The following CLPTM1 variants were observed in gnomAD, a reference collection of about 807,000 sequenced individuals.
CLPTM1 encodes putative lipid scramblase CLPTM1.
In CLPTM1, 21 loss-of-function variants were observed where a neutral mutation model predicts 77.3. The ratio of observed to expected loss-of-function variants is 0.27; its 90% CI spans 0.19 to 0.39. The LOEUF is 0.39. Among genes scored for constraint, CLPTM1 ranks in the 10% least tolerant of loss-of-function variants. The pLI is 1.00. For synonymous variants in CLPTM1, 373 were observed against 381.0 expected (o/e 0.98, Z 0.24); for missense variants, 642 against 921.2 (o/e 0.70, Z 3.92).
Position 44,992,008 on chromosome 19 carries a change from C to G in CLPTM1, c.1556-225C>G, listed in dbSNP as rs905588153. Among the ~76,000 whole-genome samples, 2 of 152,072 alleles carry G rather than the reference C, an allele frequency of 1.3e-5. No homozygotes were observed. Among genetic ancestry groups the G allele is most frequent in the African/African-American group, 4.8e-5 (2 of 41,394 alleles). ...AGGGGTCCGGGGGCCCCTCTGAGGA[C>G]AGGACATTTAAACAGAGGCCTCAGA... On this transcript the variant is annotated intron_variant, in intron 12 of 13. Transcript: ENST00000337392. The surrounding 1 kb of genome is among the most constrained non-coding windows in gnomAD (Gnocchi z 7.7).
intron 4 of CLPTM1, among the ~76,000 whole-genome samples, chr19:44,977,018 GAGCTGTGTGCCAGTGCTCC>G (rs1172575833): frequency 6.6e-6 from 1 of 152,148 alleles, no homozygotes; most frequent in Non-Finnish European, 1.5e-5. Context: ...CTCGTTGACT[GAGCTGTGTGCCAGTGCTCC>G]AGGTAGTCCC....
At chr19:44,973,809 G>T (rs1014124732) in intron 3 of CLPTM1, among the ~76,000 whole-genome samples, 1 of 140,018 alleles carries the variant, frequency 7.1e-6, no homozygotes, top group African/African-American at 2.8e-5. Context: ...TGTCGCCCAG[G>T]CTAGAGTGCA....
rs142742873 is a variant in CLPTM1, at chr19:44,982,615, C to T, written c.587-2603C>T. ...CTGTGCCTCCCCCTCCACCAGCCAG[C>T]GCTGCCCTCTGGGGCTCTCCCTTCC... On this transcript the variant is annotated intron_variant, in intron 5 of 13. Coordinates refer to ENST00000337392, the MANE Select transcript of CLPTM1 (RefSeq NM_001294.4). Among the ~76,000 whole-genome samples the T allele has an allele frequency of 1.5e-4, 23 of 152,366 alleles. No individual in the cohort carries two copies. In the East Asian group the frequency reaches 3.9e-3, roughly 26 times the overall value.
intron 5 of CLPTM1, among the ~76,000 whole-genome samples, chr19:44,978,796 T>C (rs1970845996): frequency 6.7e-6 from 1 of 150,040 alleles, no homozygotes; most frequent in African/African-American, 2.5e-5. Context: ...TACTGGCACA[T>C]TGGGGATTAA....
At chr19:44,977,067 C>T (rs1970815964) in intron 4 of CLPTM1, among the ~76,000 whole-genome samples, 1 of 152,062 alleles carries the variant, frequency 6.6e-6, no homozygotes, top group Non-Finnish European at 1.5e-5. Context: ...GCCCTCGGGT[C>T]AGTGCTGTGG....
chr19:44,992,692 G>T lies in CLPTM1; in HGVS notation c.1805G>T (p.Gly602Val). 3 of 1,613,808 alleles carry T rather than the reference G, an allele frequency of 1.9e-6. No individual in the cohort carries two copies. The highest frequency in any genetic ancestry group is 1.1e-5 in the South Asian group (1 of 91,080). ...CGAGTCAACGAGTTTGGCATGAGTGGAGAAGACCCCACAGCTGCCGCCCCC... is the reference window on the plus strand; with the variant it reads ...CGAGTCAACGAGTTTGGCATGAGTGTAGAAGACCCCACAGCTGCCGCCCCC... ...PTRVNEFGMSGEDPTAAAPVA... is the reference protein window; with the variant it reads ...PTRVNEFGMSVEDPTAAAPVA... Residue 602 changes from glycine (G) to valine (V), a missense_variant, in exon 14 of 14, where the codon GGA (glycine) becomes GTA (valine). Transcript: ENST00000337392. This position sits in a 1 kb window ranked among gnomAD's most constrained non-coding sequence, Gnocchi z 7.7.
At chr19:44,959,671 C>T (rs928681065) in intron 1 of CLPTM1, among the ~76,000 whole-genome samples, 1 of 152,192 alleles carries the variant, frequency 6.6e-6, no homozygotes, top group Non-Finnish European at 1.5e-5. Context: ...ATGTTTTCTG[C>T]CTCCTGGGTA....
chr19:44,965,792 C>T (rs1600015308), intron 2 of CLPTM1, among the ~76,000 whole-genome samples: 5 of 152,160 alleles, frequency 3.3e-5, no homozygotes, highest in Admixed American at 2.0e-4. Flanking sequence ...CCAGCCTAGG[C>T]GACAGCGAGA....
At chr19:44,988,265 T>C (rs569409002) in intron 9 of CLPTM1, 92 bp downstream of exon 9, 6 of 923,686 alleles carry the variant, frequency 6.5e-6, no homozygotes, top group Admixed American at 1.8e-5. Context: ...CCACATGTCC[T>C]CCCCCTGCCT....
At position 44,990,477 on chromosome 19, in the gene CLPTM1, G is replaced by C; in HGVS notation, c.1215G>C (p.Val405=). ...TCTTCGGCGTTTTCCAGTCATTCGT[G>C]GTCCTCCTCTACATCCTGGACAACG... is the stretch of plus-strand genomic sequence containing the variant. ...SVFFGVFQSF[V]VLLYILDNET... Residue 405 remains valine, a synonymous_variant, in exon 10 of 14, where the codon GTG becomes GTC. Coordinates refer to ENST00000337392, the MANE Select transcript of CLPTM1 (RefSeq NM_001294.4). The surrounding 1 kb of genome is among the most constrained non-coding windows in gnomAD (Gnocchi z 4.8). 1 of 1,614,102 alleles carries C rather than the reference G, an allele frequency of 6.2e-7. No homozygotes were observed. The highest frequency in any genetic ancestry group is 1.1e-5 in the South Asian group (1 of 91,090).
intron 8 of CLPTM1, 30 bp downstream of exon 8, chr19:44,987,453 C>G (rs866202546): frequency 1.2e-6 from 2 of 1,608,130 alleles, no homozygotes; most frequent in Middle Eastern, 1.7e-4. Flanking sequence ...GCGGGACTTC[C>G]CGGTGCCTTC....
chr19:44,990,884 C>T lies in CLPTM1; in HGVS notation c.1358C>T (p.Pro453Leu), dbSNP rs868090322. ...DREHRVAGIF[P>L]RLSFKDKSTY... The stretch of plus-strand genomic sequence containing the variant: ...GAGCACAGGGTGGCAGGAATCTTCC[C>T]CCGCCTATCCTTCAAGGACAAGTCC... Residue 453 changes from proline to leucine, a missense_variant, in exon 11 of 14, where the codon CCC (proline) becomes CTC (leucine). Pro to Leu is a moderately conservative substitution (Grantham distance 98, BLOSUM62 -3). This residue lies in a region of CLPTM1 where 521 missense variants were observed against 800.4 expected (regional missense o/e 0.65). Transcript: ENST00000337392. This position sits in a 1 kb window ranked among gnomAD's most constrained non-coding sequence, Gnocchi z 4.8. 1.2e-6 allele frequency: 2 copies of T among 1,613,960 alleles called. No homozygotes were observed. The highest frequency in any genetic ancestry group is 1.7e-6 in the Non-Finnish European group (2 of 1,179,926).
At position 44,988,151 on chromosome 19, in the gene CLPTM1, C is replaced by T. The variant is rs954909738; in HGVS notation, c.1110C>T (p.Phe370=). 7 of 1,613,818 alleles carry T rather than the reference C, an allele frequency of 4.3e-6. No homozygotes were observed. The highest frequency in any genetic ancestry group is 2.2e-5 in the South Asian group (2 of 91,080). The part of the protein sequence containing the change: ...TIIVSIVHSV[F]EFLAFKNDIQ... ...TCGTGTCTATCGTTCACAGTGTCTT[C>T]GAGTTCCTGGCCTTCAAGAATGGTA... Residue 370 remains phenylalanine (F), a synonymous_variant, in exon 9 of 14, where the codon TTC becomes TTT. Coordinates refer to ENST00000337392, the MANE Select transcript of CLPTM1 (RefSeq NM_001294.4).
At chr19:44,968,486 G>T (rs1318565937) in intron 2 of CLPTM1, among the ~76,000 whole-genome samples, 1 of 152,184 alleles carries the variant, frequency 6.6e-6, no homozygotes, top group Non-Finnish European at 1.5e-5. Context: ...GTGGGAGAAA[G>T]GATTTAATGT....
At chr19:44,988,374 G>A (rs553187975) in intron 9 of CLPTM1, among the ~76,000 whole-genome samples, 131 of 152,342 alleles carry the variant, frequency 8.6e-4, no homozygotes, top group South Asian at 1.4e-3. Context: ...CGGGTGTGGA[G>A]CTGAGGGAGG....
intron 3 of CLPTM1, among the ~76,000 whole-genome samples, chr19:44,973,791 T>G (rs1600026326): frequency 2.7e-5 from 3 of 110,678 alleles, no homozygotes; most frequent in Admixed American, 1.2e-4. Flanking sequence ...TGAGATGGAG[T>G]CTCACTCTGT....
chr19:44,974,292 C>A, intron 3 of CLPTM1, 147 bp from the exon 4 acceptor site: 1 of 676,872 alleles, frequency 1.5e-6, no homozygotes, highest in Non-Finnish European at 2.4e-6. Flanking sequence ...GAAAATATGT[C>A]CTCTCTGCTG....
At chr19:44,989,546 G>A (rs1370863205) in intron 9 of CLPTM1, among the ~76,000 whole-genome samples, 1 of 152,136 alleles carries the variant, frequency 6.6e-6, no homozygotes, top group Non-Finnish European at 1.5e-5. Context: ...GCTATGGAGT[G>A]TGCCAGAGCT....
intron 8 of CLPTM1, 85 bp from the exon 9 acceptor site, chr19:44,987,995 C>A: frequency 1.0e-6 from 1 of 994,892 alleles, no homozygotes; most frequent in Non-Finnish European, 1.6e-6. Flanking sequence ...CCTCTACAGG[C>A]GGCCCCAGGG....
Sources: gnomAD v4.1 joint callset for allele counts (sites outside exome capture counted in the v4.1 genomes callset) on GRCh38, gnomAD v4.1.1 for gene constraint, gnomAD v4.1.1 regional missense constraint, Gnocchi (gnomAD v3.1) non-coding constraint, MANE v1.5 for transcripts, NCBI Gene and HGNC (gene_info 2026-07-23, HGNC 2026-07-21) for gene names.